Variants in KCNMA1 observed in about 807,000 individuals in gnomAD.
KCNMA1 encodes the protein potassium calcium-activated channel subfamily M alpha 1, also known as Calcium-activated potassium channel subunit alpha-1.
A neutral mutation model predicts 140.0 loss-of-function variants in KCNMA1; 29 were observed. That is an observed-to-expected ratio of 0.21 (90% CI 0.15 to 0.28). KCNMA1 has a LOEUF of 0.28. KCNMA1 is among the 10% of genes least tolerant of loss of function. KCNMA1 has a pLI of 1.00. For synonymous variants in KCNMA1, 612 were observed against 611.9 expected, an observed-to-expected ratio of 1.00 and a Z score of 0.00; for missense variants, 880 against 1,602.2, an observed-to-expected ratio of 0.55 and a Z score of 7.70.
Position 77,166,383 on chromosome 10 carries a change from A to G in KCNMA1, c.808+17038T>C, listed in dbSNP as rs1448683936. On this transcript the variant is annotated intron_variant, in intron 5 of 27. Coordinates refer to ENST00000286628, the MANE Select transcript of KCNMA1 (RefSeq NM_001161352.2). ...GTGTTATAGGCAGATGCTAAGTTAC[A>G]GGCTTTGTGGTGGATACTGGGCAAC... Among the ~76,000 whole-genome samples the G allele has an allele frequency of 5.3e-5, 8 of 152,310 alleles. No homozygotes were observed. In the East Asian group the frequency reaches 7.7e-4, roughly 15 times the overall value.
chr10:76,872,959 TC>T (rs2031649117), downstream of KCNMA1: 1 of 152,102 alleles, frequency 6.6e-6, no homozygotes, highest in African/African-American at 2.4e-5. Context: ...GAGTCTCAGG[TC>T]CTTTTTGTGA....
At chr10:77,184,726 A>C (rs763009265) in intron 4 of KCNMA1, 97 bp downstream of exon 4, 40 of 833,206 alleles carry the variant, frequency 4.8e-5, no homozygotes, top group Non-Finnish European at 7.6e-5. Context: ...TCTCCTGGAA[A>C]TATCTTGACT....
At chr10:77,458,959 A>G (rs912825015) in intron 1 of KCNMA1, among the ~76,000 whole-genome samples, 2 of 152,208 alleles carry the variant, frequency 1.3e-5, no homozygotes, top group Non-Finnish European at 2.9e-5. Flanking sequence ...ACAGAAAATC[A>G]TAGGGGTAGC....
At chr10:77,308,796 A>G (rs1233787826) in intron 2 of KCNMA1, among the ~76,000 whole-genome samples, 1 of 152,196 alleles carries the variant, frequency 6.6e-6, no homozygotes. Context: ...TGTGGGCCAT[A>G]TTCCCCTGAG....
intron 1 of KCNMA1, among the ~76,000 whole-genome samples, chr10:77,517,265 C>T (rs1371168672): frequency 6.6e-6 from 1 of 152,140 alleles, no homozygotes; most frequent in Non-Finnish European, 1.5e-5. Flanking sequence ...CAGGCCTCCA[C>T]CATAAATGGG....
Position 77,183,591 on chromosome 10 carries a change from A to G in KCNMA1, c.697-59T>C, listed in dbSNP as rs181165225. 1.4e-3 allele frequency: 1,618 copies of G among 1,142,796 alleles called. 6 individuals are homozygous for G. The highest frequency in any genetic ancestry group is 5.0e-3 in the Middle Eastern group (26 of 5,250). The allele number at this position is 1,142,796 out of a possible 1,614,324, so 70.8% of individuals were successfully genotyped here. A position where few individuals can be genotyped will look rare whatever the true frequency, so the allele number is the denominator to read the frequency against. On this transcript the variant is annotated intron_variant, in intron 4 of 27. Coordinates refer to ENST00000286628, the MANE Select transcript of KCNMA1 (RefSeq NM_001161352.2). The stretch of plus-strand genomic sequence containing the variant: ...CATGAGAAGCATGGTGCTGGCATCC[A>G]ATGTACACTCTTTTGTCAAAGGGTA...
At chr10:77,120,517 T>A (rs983252583) in intron 6 of KCNMA1, among the ~76,000 whole-genome samples, 1 of 152,232 alleles carries the variant, frequency 6.6e-6, no homozygotes, top group African/African-American at 2.4e-5. Context: ...AGGTTTGTGA[T>A]TGCCTCTCAC....
chr10:77,380,561 T>A (rs1213328823), intron 2 of KCNMA1, among the ~76,000 whole-genome samples: 1 of 152,200 alleles, frequency 6.6e-6, no homozygotes, highest in African/African-American at 2.4e-5. Context: ...TTAAGACACA[T>A]TTCAGGAAAC....
intron 4 of KCNMA1, among the ~76,000 whole-genome samples, chr10:77,184,091 A>ACACACAC (rs1565063210): frequency 3.2e-4 from 40 of 124,662 alleles, no homozygotes; most frequent in Non-Finnish European, 6.8e-4. Context: ...CACACACACA[A>ACACACAC]AATTCCATCC....
intron 1 of KCNMA1, among the ~76,000 whole-genome samples, chr10:77,538,112 ACT>A (rs2059347829): frequency 1.3e-5 from 2 of 151,456 alleles, no homozygotes; most frequent in Admixed American, 6.6e-5. Flanking sequence ...CTCTACACAC[ACT>A]CACACACACC....
In KCNMA1 at chr10:76,914,593, T is replaced by A. The variant is rs183610452; in HGVS notation, c.3016+343A>T. The A allele has an allele frequency of 3.3e-4, 118 of 355,546 alleles. No homozygotes were observed. The Admixed American group carries it at 4.9e-3, about 15-fold the overall frequency. 22.0% of individuals were successfully genotyped at this position (355,546 alleles called of 1,614,324 possible). A position where few individuals can be genotyped will look rare whatever the true frequency, so the allele number is the denominator to read the frequency against. On this transcript the variant is annotated intron_variant, in intron 24 of 27. Transcript: ENST00000286628. ...CAGACAGAATGCTCAAAAGAGGTTCTTACAGTAAAAATCACCAGAAAGAAT... is the reference window on the plus strand; with the variant it reads ...CAGACAGAATGCTCAAAAGAGGTTCATACAGTAAAAATCACCAGAAAGAAT...
At chr10:77,264,222 G>A (rs2062802006) in intron 2 of KCNMA1, among the ~76,000 whole-genome samples, 1 of 152,124 alleles carries the variant, frequency 6.6e-6, no homozygotes, top group African/African-American at 2.4e-5. Context: ...CTCACCCAGT[G>A]AGGACTGGGT....
intron 3 of KCNMA1, among the ~76,000 whole-genome samples, chr10:77,202,770 C>T (rs1014139423): frequency 6.6e-6 from 1 of 152,130 alleles, no homozygotes; most frequent in African/African-American, 2.4e-5. Flanking sequence ...GGCCATCTAC[C>T]ACACTCTCTA....
At chr10:77,443,924 T>C (rs1206846272) in intron 1 of KCNMA1, among the ~76,000 whole-genome samples, 1 of 152,212 alleles carries the variant, frequency 6.6e-6, no homozygotes, top group Admixed American at 6.5e-5. Context: ...CAAAGGTTTC[T>C]AGCATAAAGA....
chr10:76,934,023 A>T (rs1393966155), intron 23 of KCNMA1, among the ~76,000 whole-genome samples: 1 of 151,726 alleles, frequency 6.6e-6, no homozygotes, highest in Non-Finnish European at 1.5e-5. Flanking sequence ...CCCAGGCTGG[A>T]GGGCAATGGC....
chr10:77,081,095 T>C (rs2096554316), intron 12 of KCNMA1, among the ~76,000 whole-genome samples: 1 of 152,082 alleles, frequency 6.6e-6, no homozygotes, highest in African/African-American at 2.4e-5. Context: ...AGGCCTCACG[T>C]GTCCTCCCCA....
chr10:77,392,089 G>A (rs1423026264), intron 2 of KCNMA1, among the ~76,000 whole-genome samples: 1 of 148,882 alleles, frequency 6.7e-6, no homozygotes, highest in African/African-American at 2.5e-5. Context: ...AGCTTTCATG[G>A]GTTGGGAAGG....
intron 19 of KCNMA1, among the ~76,000 whole-genome samples, chr10:76,978,084 T>C (rs1210470025): frequency 1.3e-5 from 2 of 152,200 alleles, no homozygotes; most frequent in African/African-American, 2.4e-5. Context: ...GCACAATAAC[T>C]CCTGGATTCA....
At chr10:77,000,008 A>C (rs1490385182) in intron 19 of KCNMA1, among the ~76,000 whole-genome samples, 5 of 152,008 alleles carry the variant, frequency 3.3e-5, no homozygotes, top group African/African-American at 1.2e-4. Context: ...ACACAGCCGC[A>C]CTCTGCTGGG....
Sources: allele counts gnomAD v4.1 joint callset (sites outside exome capture counted in the v4.1 genomes callset), GRCh38; gene constraint gnomAD v4.1.1; transcripts MANE v1.5; gene names NCBI Gene and HGNC (gene_info 2026-07-23, HGNC 2026-07-21).